The following SIL1 variants were observed in gnomAD, a reference collection of about 807,000 sequenced individuals.
SIL1 encodes SIL1 nucleotide exchange factor.
In SIL1, 40 loss-of-function variants were observed where a neutral mutation model predicts 49.1. That is an observed-to-expected ratio of 0.81 (90% confidence interval 0.63 to 1.06). The LOEUF is 1.06. SIL1 is among the 50% of genes least tolerant of loss of function. SIL1 has a pLI of 0.00. For synonymous variants in SIL1, 253 were observed against 250.8 expected, an observed-to-expected ratio of 1.01 and a Z score of -0.08; for missense variants, 500 against 572.6, an observed-to-expected ratio of 0.87 and a Z score of 1.29.
intron 7 of SIL1, among the ~76,000 whole-genome samples, chr5:139,014,941 C>T (rs1453453858): frequency 1.3e-5 from 2 of 151,664 alleles, no homozygotes; most frequent in Admixed American, 1.3e-4. Context: ...CAATCTCCAA[C>T]CTTCTATTTT....
At chr5:139,075,503 T>G (rs896713177) in intron 3 of SIL1, among the ~76,000 whole-genome samples, 1 of 152,082 alleles carries the variant, frequency 6.6e-6, no homozygotes, top group Non-Finnish European at 1.5e-5. Context: ...TATGCAAAAC[T>G]GAAACTAGTT....
At chr5:138,981,386 T>C (rs1767515751) in intron 7 of SIL1, among the ~76,000 whole-genome samples, 1 of 152,050 alleles carries the variant, frequency 6.6e-6, no homozygotes, top group Admixed American at 6.5e-5. Flanking sequence ...AGGGAGCAAG[T>C]GAATGCAGGA....
At chr5:139,134,214 C>T (rs368359159) in intron 1 of SIL1, among the ~76,000 whole-genome samples, 27 of 152,330 alleles carry the variant, frequency 1.8e-4, no homozygotes, top group African/African-American at 6.0e-4. Context: ...GCTTCCCAAG[C>T]TCAAGCAATC....
At chr5:139,107,657 T>C (rs1411858365) in intron 3 of SIL1, among the ~76,000 whole-genome samples, 2 of 152,226 alleles carry the variant, frequency 1.3e-5, no homozygotes, top group African/African-American at 4.8e-5. Context: ...CCTCAGTCTT[T>C]GTCTTTCATC....
chr5:139,126,864 A>C (rs1408702374), intron 2 of SIL1, among the ~76,000 whole-genome samples: 1 of 152,222 alleles, frequency 6.6e-6, no homozygotes, highest in Non-Finnish European at 1.5e-5. Context: ...CAGAGCTTCC[A>C]GCGCTTTATC....
chr5:138,979,067 T>TAA (rs1767454926), intron 7 of SIL1, among the ~76,000 whole-genome samples: 4 of 148,946 alleles, frequency 2.7e-5, no homozygotes, highest in Non-Finnish European at 4.4e-5. Flanking sequence ...TAATTTAATT[T>TAA]TATTTTATTT....
At chr5:139,045,367 A>AC (rs1250161113) in intron 4 of SIL1, among the ~76,000 whole-genome samples, 3 of 151,952 alleles carry the variant, frequency 2.0e-5, no homozygotes, top group South Asian at 2.1e-4. Flanking sequence ...AAACAAACAA[A>AC]AAAAACCTCC....
At chr5:139,094,756 ACT>A (rs1173919707) in intron 3 of SIL1, among the ~76,000 whole-genome samples, 8 of 151,906 alleles carry the variant, frequency 5.3e-5, no homozygotes, top group Admixed American at 5.2e-4. Flanking sequence ...TAGACTCCAG[ACT>A]CTTTATGTTT....
intron 5 of SIL1, among the ~76,000 whole-genome samples, chr5:139,029,390 A>G (rs1414520777): frequency 1.3e-5 from 2 of 152,186 alleles, no homozygotes; most frequent in African/African-American, 4.8e-5. Context: ...ACATTACAGG[A>G]ACTCTCTGAG....
intron 6 of SIL1, among the ~76,000 whole-genome samples, chr5:139,025,785 G>A (rs556994624): frequency 6.6e-6 from 1 of 152,274 alleles, no homozygotes; most frequent in South Asian, 2.1e-4. Context: ...TCTAAGGATT[G>A]GCAAACTTTT....
At chr5:139,194,328 C>CTTTGCTAGGAA (rs1752226486) in intron 1 of SIL1, among the ~76,000 whole-genome samples, 1 of 152,172 alleles carries the variant, frequency 6.6e-6, no homozygotes, top group Non-Finnish European at 1.5e-5. Flanking sequence ...CAAAGATGAA[C>CTTTGCTAGGAA]TCAGTTATTG....
chr5:139,074,784 T>C (rs1581080267), intron 3 of SIL1, among the ~76,000 whole-genome samples: 1 of 152,062 alleles, frequency 6.6e-6, no homozygotes, highest in Non-Finnish European at 1.5e-5. Context: ...CTTCATCCCC[T>C]CTTGCCTTCA....
intron 1 of SIL1, among the ~76,000 whole-genome samples, chr5:139,197,912 T>A (rs1190731316): frequency 6.6e-6 from 1 of 151,934 alleles, no homozygotes; most frequent in Non-Finnish European, 1.5e-5. Flanking sequence ...GTCTCGGAGA[T>A]CAACACCAAA....
intron 7 of SIL1, among the ~76,000 whole-genome samples, chr5:139,018,415 C>A (rs1017523268): frequency 6.6e-6 from 1 of 151,772 alleles, no homozygotes; most frequent in Non-Finnish European, 1.5e-5. Flanking sequence ...CATGGTGAAA[C>A]CTTGCCTCTA....
At chr5:139,047,149 G>T (rs1275279164) in intron 4 of SIL1, among the ~76,000 whole-genome samples, 3 of 152,200 alleles carry the variant, frequency 2.0e-5, no homozygotes, top group East Asian at 3.9e-4. Context: ...CTTGAACGTG[G>T]TTTTACCCTC....
intron 4 of SIL1, among the ~76,000 whole-genome samples, chr5:139,043,811 G>C (rs1464299465): frequency 3.9e-5 from 6 of 152,236 alleles, no homozygotes; most frequent in Admixed American, 6.5e-5. Flanking sequence ...GTAAGCACAA[G>C]AATGATGTGC....
At chr5:139,048,119 T>C (rs1391491385) in intron 4 of SIL1, among the ~76,000 whole-genome samples, 2 of 152,140 alleles carry the variant, frequency 1.3e-5, no homozygotes, top group African/African-American at 4.8e-5. Context: ...AGTATTATTT[T>C]TGTAAAGGGA....
At chr5:139,043,618 G>A (rs1212173529) in intron 4 of SIL1, among the ~76,000 whole-genome samples, 1 of 152,184 alleles carries the variant, frequency 6.6e-6, no homozygotes, top group Non-Finnish European at 1.5e-5. Flanking sequence ...CCTCCAAAGG[G>A]AGGAGGGAAA....
At chr5:139,051,367 G>C (rs188098040) in intron 3 of SIL1, among the ~76,000 whole-genome samples, 1 of 152,182 alleles carries the variant, frequency 6.6e-6, no homozygotes, top group African/African-American at 2.4e-5. Flanking sequence ...TAAAAGCTTT[G>C]TGTTACGTGC....
Sources: gnomAD v4.1 joint callset for allele counts (sites outside exome capture counted in the v4.1 genomes callset) on GRCh38, gnomAD v4.1.1 for gene constraint, MANE v1.5 for transcripts, NCBI Gene and HGNC (gene_info 2026-07-23, HGNC 2026-07-21) for gene names.